OSBPL1A: variants seen among roughly 807,000 people sequenced by gnomAD.
The protein encoded by OSBPL1A is oxysterol binding protein like 1A, also known as oxysterol-binding protein-related protein 1.
Under a neutral mutation model 137.1 loss-of-function variants are expected in OSBPL1A, and 80 were observed. That is an observed-to-expected ratio of 0.58 (90% CI 0.49 to 0.70). OSBPL1A has a LOEUF of 0.70. OSBPL1A is among the 30% of genes least tolerant of loss of function. OSBPL1A has a pLI of 0.00. For missense variants in OSBPL1A, 970 were observed against 1,129.4 expected (o/e 0.86, Z 2.02); for synonymous variants, 365 against 389.7 (o/e 0.94, Z 0.75).
chr18:24,169,541 A>G (rs1170617977), intron 24 of OSBPL1A, among the ~76,000 whole-genome samples: 21 of 152,238 alleles, frequency 1.4e-4, no homozygotes, highest in Admixed American at 1.2e-3. Flanking sequence ...AGTAGGTGCT[A>G]TTATAGTGCC....
chr18:24,362,647 T>C lies in OSBPL1A; in HGVS notation c.282+4245A>G, dbSNP rs186584909. ...AACCTTTAGGTATCATGTTGGACTA[T>C]GGTCAACAACTAGAATATACAAGAA... On this transcript the variant is annotated intron_variant, in intron 4 of 27. Coordinates refer to ENST00000319481, the MANE Select transcript of OSBPL1A (RefSeq NM_080597.4). 1.0e-3 allele frequency among the ~76,000 whole-genome samples: 153 copies of C among 152,308 alleles called. 1 individual carries two copies. The East Asian group carries it at 0.019, about 19-fold the overall frequency.
At chr18:24,202,310 G>A (rs766803936) in intron 17 of OSBPL1A, among the ~76,000 whole-genome samples, 3 of 152,166 alleles carry the variant, frequency 2.0e-5, no homozygotes. Flanking sequence ...GACAATTAAG[G>A]CTTCTCAGAA....
intron 13 of OSBPL1A, among the ~76,000 whole-genome samples, chr18:24,303,961 A>C (rs1367112882): frequency 3.9e-5 from 6 of 152,212 alleles, no homozygotes; most frequent in Non-Finnish European, 1.5e-5. Context: ...TGTTGTGTAG[A>C]TACCATACAA....
chr18:24,354,315 A>C (rs532357910), intron 4 of OSBPL1A, among the ~76,000 whole-genome samples: 1 of 152,276 alleles, frequency 6.6e-6, no homozygotes, highest in East Asian at 1.9e-4. Context: ...ACTAGCAACT[A>C]CTGAGAACAG....
At chr18:24,296,372 G>T (rs2090292886) in intron 14 of OSBPL1A, among the ~76,000 whole-genome samples, 1 of 152,080 alleles carries the variant, frequency 6.6e-6, no homozygotes, top group South Asian at 2.1e-4. Context: ...AGACTTTATT[G>T]AATTTGTTTA....
intron 1 of OSBPL1A, among the ~76,000 whole-genome samples, chr18:24,391,265 G>A (rs1328081789): frequency 6.6e-6 from 1 of 152,162 alleles, no homozygotes; most frequent in Non-Finnish European, 1.5e-5. Context: ...ACATAGAATG[G>A]TGGTTGCCGG....
chr18:24,313,946 C>A (rs2061040183), intron 12 of OSBPL1A, among the ~76,000 whole-genome samples: 1 of 150,632 alleles, frequency 6.6e-6, no homozygotes. Flanking sequence ...TGCTAAAATA[C>A]AAAAAAAAAT....
intron 16 of OSBPL1A, among the ~76,000 whole-genome samples, chr18:24,225,692 T>G (rs1056352727): frequency 6.6e-6 from 1 of 152,164 alleles, no homozygotes; most frequent in Non-Finnish European, 1.5e-5. Flanking sequence ...GTCGGGTCAG[T>G]GGCTCACACC....
At chr18:24,387,634 C>A (rs1169056563) in intron 1 of OSBPL1A, among the ~76,000 whole-genome samples, 1 of 152,006 alleles carries the variant, frequency 6.6e-6, no homozygotes, top group African/African-American at 2.4e-5. Context: ...TGGCTGATCT[C>A]AAACTCCTGG....
chr18:24,189,341 T>C (rs938864500), intron 18 of OSBPL1A, among the ~76,000 whole-genome samples: 3 of 152,110 alleles, frequency 2.0e-5, no homozygotes, highest in Non-Finnish European at 2.9e-5. Flanking sequence ...GAGAGAAAAA[T>C]TCCCTCAAGT....
Position 24,172,365 on chromosome 18 carries a change from A to AG in OSBPL1A, c.2201+10dup, listed in dbSNP as rs760691396. 5 of 1,588,632 alleles carry AG rather than the reference A, an allele frequency of 3.1e-6. No individual in the cohort carries two copies. The highest frequency in any genetic ancestry group is 4.3e-6 in the Non-Finnish European group (5 of 1,157,388). On this transcript the variant is annotated intron_variant, in intron 22 of 27. Transcript: ENST00000319481. ...ACTGAAGGAATGGACGAAGTACCCA[A>AG]GGTGCCTTACTTGTGGTTTATAATT... is the stretch of plus-strand genomic sequence containing the variant.
rs139950292 is a variant in OSBPL1A at position 24,298,149 on chromosome 18, G to A, written c.1174+5488C>T. Among the ~76,000 whole-genome samples, 195 of 152,252 alleles carry A rather than the reference G, an allele frequency of 1.3e-3. 3 individuals are homozygous for A. In the East Asian group the frequency reaches 0.032, roughly 25 times the overall value. ...CTACACTCCCAACAGTGCCATGACA[G>A]TTTACACATATCATGGCAACATTAG... is the stretch of plus-strand genomic sequence containing the variant. On this transcript the variant is annotated intron_variant, in intron 14 of 27. Transcript: ENST00000319481.
At chr18:24,277,606 G>T (rs2089871920) in intron 15 of OSBPL1A, among the ~76,000 whole-genome samples, 1 of 152,176 alleles carries the variant, frequency 6.6e-6, no homozygotes, top group African/African-American at 2.4e-5. Flanking sequence ...AGGTCTGTAG[G>T]TCTTCAAAGC....
At chr18:24,303,890 A>G (rs770706620) in intron 13 of OSBPL1A, among the ~76,000 whole-genome samples, 172 bp from the exon 14 acceptor site, 3 of 152,250 alleles carry the variant, frequency 2.0e-5, no homozygotes, top group Non-Finnish European at 4.4e-5. Context: ...AACTGAATAT[A>G]ACATTTAATC....
chr18:24,280,648 GAT>G (rs1480207777), intron 15 of OSBPL1A, among the ~76,000 whole-genome samples, 192 bp downstream of exon 15: 3 of 152,104 alleles, frequency 2.0e-5, no homozygotes, highest in African/African-American at 7.2e-5. Flanking sequence ...AAATTCAAAA[GAT>G]ATGAACACAA....
At chr18:24,327,635 C>T (rs2091005288) in intron 7 of OSBPL1A, among the ~76,000 whole-genome samples, 1 of 152,258 alleles carries the variant, frequency 6.6e-6, no homozygotes, top group East Asian at 1.9e-4. Context: ...TCTCAAACAC[C>T]TGACCTCAAA....
intron 24 of OSBPL1A, 134 bp downstream of exon 24, chr18:24,170,191 AAG>A: frequency 9.7e-7 from 1 of 1,034,866 alleles, no homozygotes; most frequent in Non-Finnish European, 1.4e-6. Context: ...GATCATTAAA[AAG>A]AGAAAAGTGA....
intron 14 of OSBPL1A, among the ~76,000 whole-genome samples, chr18:24,296,954 T>C (rs1398561026): frequency 6.6e-6 from 1 of 152,142 alleles, no homozygotes; most frequent in Non-Finnish European, 1.5e-5. Context: ...TATTGGTCTG[T>C]AGTTTTCCTT....
At chr18:24,394,863 A>G (rs1489661084) in intron 1 of OSBPL1A, among the ~76,000 whole-genome samples, 2 of 152,194 alleles carry the variant, frequency 1.3e-5, no homozygotes, top group Non-Finnish European at 2.9e-5. Context: ...AGGCTGATAA[A>G]TAAAAGTAAA....
Sources: allele counts gnomAD v4.1 joint callset (sites outside exome capture counted in the v4.1 genomes callset), GRCh38; gene constraint gnomAD v4.1.1; transcripts MANE v1.5; gene names NCBI Gene and HGNC (gene_info 2026-07-23, HGNC 2026-07-21).